The following PTPRC variants were observed in gnomAD, a reference collection of about 807,000 sequenced individuals.
PTPRC encodes the protein receptor-type tyrosine-protein phosphatase C.
Under a neutral mutation model 155.9 loss-of-function variants are expected in PTPRC, and 44 were observed. The ratio of observed to expected loss-of-function variants is 0.28; its 90% CI spans 0.22 to 0.36. The LOEUF is 0.36. PTPRC is among the 10% of genes least tolerant of loss of function. The pLI, the probability that PTPRC is intolerant of heterozygous loss-of-function variation, is 1.00. For missense variants in PTPRC, 1,401 were observed against 1,564.6 expected (o/e 0.90, Z 1.76); for synonymous variants, 525 against 533.1 (o/e 0.98, Z 0.21).
Position 198,639,155 on chromosome 1 carries a change from T to G in PTPRC, c.-44+18T>G. The G allele has an allele frequency of 1.2e-6, 1 of 849,908 alleles. No homozygotes were observed. Among genetic ancestry groups the G allele is most frequent in the South Asian group, 1.3e-5 (1 of 74,586 alleles). The allele number at this position is 849,908 out of a possible 1,614,324, so 52.6% of individuals were successfully genotyped here. A position where few individuals can be genotyped will look rare whatever the true frequency, so the allele number is the denominator to read the frequency against. On this transcript the variant is annotated intron_variant, in intron 1 of 32. Coordinates refer to ENST00000442510, the MANE Select transcript of PTPRC (RefSeq NM_002838.5). ...AGTGGAGAGTATGCATTTATTTATT[T>G]ACTTTTACATTTTTGATTCGTTTTT...
intron 26 of PTPRC, among the ~76,000 whole-genome samples, chr1:198,745,739 G>A (rs1450919420): frequency 6.6e-6 from 1 of 151,748 alleles, no homozygotes; most frequent in African/African-American, 2.4e-5. Context: ...GTTTTGAAAA[G>A]TGACTATTTG....
intron 29 of PTPRC, among the ~76,000 whole-genome samples, chr1:198,751,588 C>T (rs1655386468): frequency 6.6e-6 from 1 of 151,976 alleles, no homozygotes; most frequent in African/African-American, 2.4e-5. Context: ...TTCCCACAAT[C>T]CTTTCCTTCA....
At chr1:198,654,305 G>A (rs1419151712) in intron 2 of PTPRC, among the ~76,000 whole-genome samples, 2 of 151,634 alleles carry the variant, frequency 1.3e-5, no homozygotes, top group African/African-American at 4.8e-5. Flanking sequence ...AATTCTTTTT[G>A]AGTAAAATAA....
chr1:198,673,264 T>A (rs1022457992), intron 2 of PTPRC, among the ~76,000 whole-genome samples: 1 of 152,170 alleles, frequency 6.6e-6, no homozygotes, highest in Non-Finnish European at 1.5e-5. Context: ...TTGCACTTAC[T>A]CATTGTAATG....
intron 17 of PTPRC, among the ~76,000 whole-genome samples, chr1:198,730,459 C>T (rs1234355965): frequency 6.6e-6 from 1 of 151,940 alleles, no homozygotes; most frequent in Non-Finnish European, 1.5e-5. Flanking sequence ...ATGCCCAGTA[C>T]CAAAGTGAGT....
intron 23 of PTPRC, among the ~76,000 whole-genome samples, chr1:198,740,045 A>T (rs773156799): frequency 1.3e-5 from 2 of 151,818 alleles, no homozygotes; most frequent in African/African-American, 2.4e-5. Flanking sequence ...CAACAAACCA[A>T]ATCCTGTGTG....
At chr1:198,735,104 C>G (rs1243422264) in intron 22 of PTPRC, 23 bp from the exon 23 acceptor site, 4 of 1,547,728 alleles carry the variant, frequency 2.6e-6, no homozygotes. Context: ...AATTAAAATA[C>G]TTAATAATTT....
chr1:198,660,049 A>ATATG (rs1303534181), intron 2 of PTPRC, among the ~76,000 whole-genome samples: 1 of 53,986 alleles, frequency 1.9e-5, no homozygotes, highest in African/African-American at 7.4e-5. Flanking sequence ...ATATATATAT[A>ATATG]TATATATATA....
intron 16 of PTPRC, 144 bp downstream of exon 16, chr1:198,728,592 T>TG: frequency 1.1e-6 from 1 of 944,244 alleles, no homozygotes; most frequent in Non-Finnish European, 1.5e-6. Context: ...GACACAACTT[T>TG]TAATCAAAAA....
chr1:198,686,329 T>C (rs563091797), intron 2 of PTPRC, among the ~76,000 whole-genome samples: 7 of 152,274 alleles, frequency 4.6e-5, no homozygotes, highest in Non-Finnish European at 7.4e-5. Flanking sequence ...TGGTGCCACC[T>C]ACTGAAATAT....
At chr1:198,693,979 G>A (rs1358226294) in intron 3 of PTPRC, 3 of 1,537,290 alleles carry the variant, frequency 2.0e-6, no homozygotes, top group Admixed American at 2.0e-5. Context: ...GGTAGTTTAT[G>A]TGATTGACAC....
At chr1:198,700,022 A>G in intron 5 of PTPRC, 1 of 433,194 alleles carries the variant, frequency 2.3e-6, no homozygotes, top group Non-Finnish European at 4.2e-6. Flanking sequence ...AGTAAGAAAT[A>G]ATATGCATAA....
intron 13 of PTPRC, among the ~76,000 whole-genome samples, chr1:198,717,247 C>T (rs1449144434): frequency 6.6e-6 from 1 of 152,240 alleles, no homozygotes; most frequent in Non-Finnish European, 1.5e-5. Context: ...TAAAACATTT[C>T]ATAAAATGTA....
intron 15 of PTPRC, among the ~76,000 whole-genome samples, chr1:198,723,721 C>A (rs1430810347): frequency 6.6e-6 from 1 of 152,188 alleles, no homozygotes; most frequent in Non-Finnish European, 1.5e-5. Context: ...GCACAGCATG[C>A]TAGCAAGGGA....
At chr1:198,742,585 T>C (rs1272576949) in intron 25 of PTPRC, among the ~76,000 whole-genome samples, 1 of 151,848 alleles carries the variant, frequency 6.6e-6, no homozygotes. Context: ...CCACAAAATA[T>C]ATAATTTTTA....
At chr1:198,684,661 G>A (rs952698775) in intron 2 of PTPRC, among the ~76,000 whole-genome samples, 3 of 151,580 alleles carry the variant, frequency 2.0e-5, no homozygotes, top group Non-Finnish European at 2.9e-5. Flanking sequence ...TTGTAGTGCT[G>A]TTTCTTTAAA....
chr1:198,754,171 G>A (rs953727466), intron 31 of PTPRC, 98 bp from the exon 32 acceptor site: 2 of 1,394,122 alleles, frequency 1.4e-6, no homozygotes, highest in Non-Finnish European at 2.0e-6. Flanking sequence ...TGATAAACAT[G>A]AAGCAAAAAA....
chr1:198,706,142 T>G (rs1434400528), intron 8 of PTPRC, among the ~76,000 whole-genome samples: 2 of 152,208 alleles, frequency 1.3e-5, no homozygotes, highest in Non-Finnish European at 2.9e-5. Context: ...AATTTATATT[T>G]GTTGTAAAGA....
intron 12 of PTPRC, 105 bp downstream of exon 12, chr1:198,713,177 A>G (rs1653398809): frequency 4.0e-6 from 6 of 1,507,582 alleles, no homozygotes; most frequent in Non-Finnish European, 5.5e-6. Flanking sequence ...CTGCTTAGAG[A>G]CTGCATAGGC....
Sources: allele counts gnomAD v4.1 joint callset (sites outside exome capture counted in the v4.1 genomes callset), GRCh38; gene constraint gnomAD v4.1.1; transcripts MANE v1.5; gene names NCBI Gene and HGNC (gene_info 2026-07-23, HGNC 2026-07-21).